The following KSR1 variants were observed in gnomAD, a reference collection of about 807,000 sequenced individuals.
The protein encoded by KSR1 is kinase suppressor of ras.
Under a neutral mutation model 92.9 loss-of-function variants are expected in KSR1, and 35 were observed. The observed-to-expected ratio is 0.38, with a 90% confidence interval of 0.29 to 0.50. The LOEUF (loss-of-function observed/expected upper bound fraction) is 0.50. KSR1 is among the 20% of genes least tolerant of loss of function. The pLI is 0.94. For missense variants in KSR1, 972 were observed against 1,158.5 expected (o/e 0.84, Z 2.34); for synonymous variants, 467 against 472.6 (o/e 0.99, Z 0.15).
chr17:27,551,808 C>T (rs955425289), intron 2 of KSR1, among the ~76,000 whole-genome samples: 1 of 152,244 alleles, frequency 6.6e-6, no homozygotes, highest in Admixed American at 6.5e-5. Context: ...GTCCAGGCCG[C>T]TGTCACCTCC....
chr17:27,461,785 A>G (rs1035199897), intron 1 of KSR1, among the ~76,000 whole-genome samples: 1 of 147,880 alleles, frequency 6.8e-6, no homozygotes, highest in African/African-American at 2.5e-5. Flanking sequence ...CTTCCACGTC[A>G]GGGTTGTTTC....
intron 1 of KSR1, among the ~76,000 whole-genome samples, chr17:27,464,218 G>A (rs2019573865): frequency 1.3e-5 from 2 of 152,178 alleles, no homozygotes; most frequent in South Asian, 4.2e-4. Context: ...AGTGCCTTAG[G>A]GGCCCTGAGG....
In KSR1 at chr17:27,625,349, T is replaced by G. The variant is rs758592352; in HGVS notation, c.*1957T>G. 7 of 152,296 alleles carry G rather than the reference T, an allele frequency of 4.6e-5. No homozygotes were observed. The highest frequency in any genetic ancestry group is 1.0e-4 in the Non-Finnish European group (7 of 68,062). 9.4% of individuals were successfully genotyped at this position (152,296 alleles called of 1,614,324 possible). A position where few individuals can be genotyped will look rare whatever the true frequency, so the allele number is the denominator to read the frequency against. ...AGGCCCACAGAAAGTCAGTCTGGGT[T>G]TTGCTTTTCTCGTGAGCATCACAGT... On this transcript the variant is annotated 3_prime_UTR_variant, in exon 21 of 21. Coordinates refer to ENST00000644974, the MANE Select transcript of KSR1 (RefSeq NM_001394583.1).
chr17:27,545,802 C>T (rs1216491755), intron 1 of KSR1, among the ~76,000 whole-genome samples: 1 of 152,204 alleles, frequency 6.6e-6, no homozygotes, highest in Non-Finnish European at 1.5e-5. Context: ...TGCCTCAAAG[C>T]TGAAAAGGGC....
rs967472686 is a variant in KSR1 at position 27,625,375 on chromosome 17, TAAA to T, written c.*1984_*1986del. On this transcript the variant is annotated 3_prime_UTR_variant, in exon 21 of 21. Transcript: ENST00000644974. ...TTGCTTTTCTCGTGAGCATCACAGTTAAAGAAGCGCTCATTGAGCAACTACAGT... is the reference window on the plus strand; with the variant it reads ...TTGCTTTTCTCGTGAGCATCACAGTTGAAGCGCTCATTGAGCAACTACAGT... 1 of 152,284 alleles carries T rather than the reference TAAA, an allele frequency of 6.6e-6. No homozygotes were observed. The highest frequency in any genetic ancestry group is 1.5e-5 in the Non-Finnish European group (1 of 68,070). 9.4% of individuals were successfully genotyped at this position (152,284 alleles called of 1,614,324 possible).
intron 19 of KSR1, 162 bp downstream of exon 19, chr17:27,617,590 C>A (rs4324180): frequency 3.9e-6 from 3 of 762,856 alleles, no homozygotes; most frequent in African/African-American, 3.5e-5. Flanking sequence ...TGCAGTGGCA[C>A]GATCTCAGCT....
intron 1 of KSR1, among the ~76,000 whole-genome samples, chr17:27,478,690 A>G (rs1304493538): frequency 6.6e-6 from 1 of 152,030 alleles, no homozygotes; most frequent in Admixed American, 6.5e-5. Flanking sequence ...ATGGATCACC[A>G]TTGGAGGAGT....
rs995526424 is a variant in KSR1 at position 27,511,967 on chromosome 17, T to C, written c.232-38601T>C. ...TCTGATTGATGTGGACTTTCTAGGA[T>C]AGCAGAGCCCAAGTGGCTTTGTGCA... On this transcript the variant is annotated intron_variant, in intron 1 of 20. Coordinates refer to ENST00000644974, the MANE Select transcript of KSR1 (RefSeq NM_001394583.1). Among the ~76,000 whole-genome samples the C allele has an allele frequency of 5.3e-5, 8 of 152,258 alleles. 1 individual carries two copies. Among genetic ancestry groups the C allele is most frequent in the African/African-American group, 1.9e-4 (8 of 41,470 alleles).
Position 27,527,888 on chromosome 17 carries a change from T to C in KSR1, c.232-22680T>C, listed in dbSNP as rs796369325. 1.2e-4 allele frequency among the ~76,000 whole-genome samples: 19 copies of C among 152,340 alleles called. 1 individual carries two copies. Among genetic ancestry groups the C allele is most frequent in the African/African-American group, 3.6e-4 (15 of 41,580 alleles). ...GGGAGGCTTTGTACGATGTCTTTAA[T>C]GTAGTAATTCTTTGCTCTCCCCAAA... On this transcript the variant is annotated intron_variant, in intron 1 of 20. Coordinates refer to ENST00000644974, the MANE Select transcript of KSR1 (RefSeq NM_001394583.1).
chr17:27,542,217 A>T (rs2070992773), intron 1 of KSR1, among the ~76,000 whole-genome samples: 1 of 152,194 alleles, frequency 6.6e-6, no homozygotes, highest in Non-Finnish European at 1.5e-5. Flanking sequence ...ACCATACATA[A>T]GGAAAAGATT....
rs1179168460 is a variant in KSR1, at chr17:27,614,399, C to T, written c.2493+2770C>T. Among the ~76,000 whole-genome samples, 4 of 152,208 alleles carry T rather than the reference C, an allele frequency of 2.6e-5. No individual in the cohort carries two copies. In the East Asian group the frequency reaches 5.8e-4, roughly 22 times the overall value. On this transcript the variant is annotated intron_variant, in intron 18 of 20. Transcript: ENST00000644974. ...TGCATCTGAGAGAAAAGATATTCTTCGTTCTGCCCTCCTGGCAACAGTTTG... is the reference window on the plus strand; with the variant it reads ...TGCATCTGAGAGAAAAGATATTCTTTGTTCTGCCCTCCTGGCAACAGTTTG...
Position 27,577,118 on chromosome 17 carries a change from C to T in KSR1, c.373-374C>T, listed in dbSNP as rs2072539114. On this transcript the variant is annotated intron_variant, in intron 2 of 20. Coordinates refer to ENST00000644974, the MANE Select transcript of KSR1 (RefSeq NM_001394583.1). The surrounding 1 kb of genome is among the most constrained non-coding windows in gnomAD (Gnocchi z 4.5). ...AAATCTCTCTTATCTGATTCAGATA[C>T]AACAAAATTGTGAAGGGCCATCTTT... Among the ~76,000 whole-genome samples the T allele has an allele frequency of 6.6e-6, 1 of 151,864 alleles. No individual in the cohort carries two copies. Among genetic ancestry groups the T allele is most frequent in the South Asian group, 2.1e-4 (1 of 4,804 alleles).
At chr17:27,590,650 C>T (rs943737840) in intron 6 of KSR1, among the ~76,000 whole-genome samples, 161 bp from the exon 7 acceptor site, 3 of 152,218 alleles carry the variant, frequency 2.0e-5, no homozygotes, top group African/African-American at 7.2e-5. Context: ...AGGGGAGAAG[C>T]AGTGGCCCGT....
At chr17:27,521,173 GC>G (rs892104447) in intron 1 of KSR1, among the ~76,000 whole-genome samples, 19 of 152,058 alleles carry the variant, frequency 1.2e-4, no homozygotes, top group Non-Finnish European at 5.9e-5. Context: ...GTGGGAACTG[GC>G]CCAGGCATCT....
chr17:27,577,788 T>TGA lies in KSR1; in HGVS notation c.520+152_520+153dup, dbSNP rs1441589005. ...CCAGGGTTGGATGTTCACAGCCTCC[T>TGA]GAGAAGCTCTCCCAGGGTCCTCAGG... On this transcript the variant is annotated intron_variant, in intron 3 of 20. Transcript: ENST00000644974. This position sits in a 1 kb window ranked among gnomAD's most constrained non-coding sequence, Gnocchi z 4.5. 1 of 733,716 alleles carries TGA rather than the reference T, an allele frequency of 1.4e-6. No homozygotes were observed. The highest frequency in any genetic ancestry group is 2.4e-6 in the Non-Finnish European group (1 of 414,210). 45.5% of individuals were successfully genotyped at this position (733,716 alleles called of 1,614,324 possible). A position where few individuals can be genotyped will look rare whatever the true frequency, so the allele number is the denominator to read the frequency against.
rs1261316678 is a variant in KSR1, at chr17:27,588,428, C to T, written c.986-47C>T. The T allele has an allele frequency of 5.2e-6, 8 of 1,526,398 alleles. 1 individual carries two copies. The highest frequency in any genetic ancestry group is 3.4e-4 in the Middle Eastern group (2 of 5,904). 94.6% of individuals were successfully genotyped at this position (1,526,398 alleles called of 1,614,324 possible). A position where few individuals can be genotyped will look rare whatever the true frequency, so the allele number is the denominator to read the frequency against. On this transcript the variant is annotated intron_variant, in intron 5 of 20. Coordinates refer to ENST00000644974, the MANE Select transcript of KSR1 (RefSeq NM_001394583.1). ...TTAGGAAGTCATGGGCACGAGCTGT[C>T]GCCTGCGGAGTTCCTCAGCCTGCCC...
At chr17:27,474,728 G>A (rs183006240) in intron 1 of KSR1, among the ~76,000 whole-genome samples, 2 of 152,264 alleles carry the variant, frequency 1.3e-5, no homozygotes, top group Admixed American at 1.3e-4. Context: ...GGGGAAAATA[G>A]CAGTGAACAA....
intron 20 of KSR1, 74 bp downstream of exon 20, chr17:27,621,347 C>A (rs564797317): frequency 2.5e-6 from 1 of 398,272 alleles, no homozygotes; most frequent in South Asian, 1.3e-4. Flanking sequence ...TCCTTTCTGT[C>A]GCCGCTTCCC....
At chr17:27,523,370 C>A (rs2070119889) in intron 1 of KSR1, among the ~76,000 whole-genome samples, 1 of 142,324 alleles carries the variant, frequency 7.0e-6, no homozygotes. Context: ...AGTAATGATA[C>A]CATTTCTGTA....
Sources: allele counts gnomAD v4.1 joint callset (sites outside exome capture counted in the v4.1 genomes callset), GRCh38; gene constraint gnomAD v4.1.1; non-coding constraint Gnocchi (gnomAD v3.1); transcripts MANE v1.5; gene names NCBI Gene and HGNC (gene_info 2026-07-23, HGNC 2026-07-21).